CLVS1: variants seen among roughly 807,000 people sequenced by gnomAD.
The protein encoded by CLVS1 is clavesin-1.
In CLVS1, 10 loss-of-function variants were observed where a neutral mutation model predicts 33.1. That is an observed-to-expected ratio of 0.30 (90% CI 0.19 to 0.51). The LOEUF is 0.51. Among genes scored for constraint, CLVS1 ranks in the 20% least tolerant of loss-of-function variants. The probability of loss-of-function intolerance (pLI) is 0.97; values close to 1 mark genes in which losing one functional copy is unlikely to be tolerated. For synonymous variants in CLVS1, 163 were observed against 166.1 expected (o/e 0.98, Z 0.14); for missense variants, 343 against 433.4 (o/e 0.79, Z 1.85).
intron 2 of CLVS1, among the ~76,000 whole-genome samples, chr8:61,244,821 T>C (rs1456586782): frequency 1.3e-5 from 2 of 152,142 alleles, no homozygotes; most frequent in Non-Finnish European, 2.9e-5. Context: ...TTGATTTTAA[T>C]CTTTTAAAAT....
the CLVS1 span, among the ~76,000 whole-genome samples, chr8:61,011,170 G>A: frequency 6.6e-6 from 1 of 152,228 alleles, no homozygotes; most frequent in Admixed American, 6.5e-5. Context: ...GGAAGCTGAG[G>A]CAGGAGGGTC....
the CLVS1 span, among the ~76,000 whole-genome samples, chr8:60,990,838 AG>A: frequency 6.6e-6 from 1 of 151,682 alleles, no homozygotes; most frequent in Non-Finnish European, 1.5e-5. Context: ...CCTCCCGAAT[AG>A]CTGGGATTAC....
At chr8:61,267,971 C>A (rs1326855563) in intron 2 of CLVS1, among the ~76,000 whole-genome samples, 1 of 151,910 alleles carries the variant, frequency 6.6e-6, no homozygotes, top group Non-Finnish European at 1.5e-5. Flanking sequence ...GAGACTTTGC[C>A]ATTCATGGGC....
chr8:61,183,493 T>G (rs895918524), intron 2 of CLVS1, among the ~76,000 whole-genome samples: 1 of 140,188 alleles, frequency 7.1e-6, no homozygotes, highest in Non-Finnish European at 1.6e-5. Flanking sequence ...AGACAGTTAA[T>G]TTTTTTTATC....
chr8:61,142,919 C>T (rs1806336123), intron 2 of CLVS1, among the ~76,000 whole-genome samples: 2 of 152,120 alleles, frequency 1.3e-5, no homozygotes. Context: ...TAGGATTAAC[C>T]ACCCAAGCAA....
the CLVS1 span, among the ~76,000 whole-genome samples, chr8:60,981,582 A>C: frequency 6.6e-6 from 1 of 152,144 alleles, no homozygotes; most frequent in Non-Finnish European, 1.5e-5. Context: ...CAGGATAGTT[A>C]TAGTAACTGC....
At position 61,376,732 on chromosome 8, in the gene CLVS1, T is replaced by G; in HGVS notation, c.583T>G (p.Ser195Ala). ...GAGTAATTTTTCCTTCAAACAAGCCTCCAAACTGACACCTTCAATCCTTAA... is the reference window on the plus strand; with the variant it reads ...GAGTAATTTTTCCTTCAAACAAGCCGCCAAACTGACACCTTCAATCCTTAA... Reference protein sequence around the residue: ...DWSNFSFKQASKLTPSILKLA... With the variant: ...DWSNFSFKQAAKLTPSILKLA... Residue 195 changes from serine (S) to alanine (A), a missense_variant, in exon 3 of 6, where the codon TCC becomes GCC. Around this residue, in one of 4 missense-constraint regions of CLVS1, gnomAD observed 166 missense variants for 244.0 expected, o/e 0.68. Coordinates refer to ENST00000325897, the MANE Select transcript of CLVS1 (RefSeq NM_173519.3). 6.2e-7 allele frequency: 1 copy of G among 1,614,098 alleles called. No homozygotes were observed. The highest frequency in any genetic ancestry group is 8.5e-7 in the Non-Finnish European group (1 of 1,179,974).
In CLVS1 at chr8:61,334,401, G is replaced by A. The variant is rs1374687795; in HGVS notation, c.455+34119G>A. Among the ~76,000 whole-genome samples, 10 of 152,218 alleles carry A rather than the reference G, an allele frequency of 6.6e-5. No homozygotes were observed. The East Asian group carries it at 1.2e-3, about 18-fold the overall frequency. On this transcript the variant is annotated intron_variant, in intron 2 of 5. Transcript: ENST00000325897. Reference sequence around the variant, plus strand: ...ATTTGGAGGGTCTGTGTCTGGTCTTGTCCTAGACAAGCAAGAGGGCCTCTG... The same window carrying A: ...ATTTGGAGGGTCTGTGTCTGGTCTTATCCTAGACAAGCAAGAGGGCCTCTG...
intron 2 of CLVS1, among the ~76,000 whole-genome samples, chr8:61,270,417 A>G (rs904981992): frequency 6.6e-6 from 1 of 152,180 alleles, no homozygotes; most frequent in African/African-American, 2.4e-5. Context: ...TCATTTTGCC[A>G]GTATTTTATT....
chr8:61,116,809 C>T (rs1376069606), intron 1 of CLVS1, among the ~76,000 whole-genome samples: 8 of 137,112 alleles, frequency 5.8e-5, no homozygotes, highest in African/African-American at 2.0e-4. Context: ...TAGTGTGATG[C>T]CTCCAGCTTT....
chr8:61,475,964 A>T (rs924737732), intron 5 of CLVS1, among the ~76,000 whole-genome samples: 2 of 152,128 alleles, frequency 1.3e-5, no homozygotes, highest in African/African-American at 4.8e-5. Flanking sequence ...ATCTTGAATT[A>T]ATTTTTGTAT....
At chr8:61,297,093 G>A (rs1810240288) in intron 1 of CLVS1, among the ~76,000 whole-genome samples, 1 of 152,122 alleles carries the variant, frequency 6.6e-6, no homozygotes, top group East Asian at 1.9e-4. Flanking sequence ...GCACACAAAG[G>A]TGAGAAGAAG....
chr8:61,224,504 G>C (rs1808287405), intron 2 of CLVS1, among the ~76,000 whole-genome samples: 1 of 152,148 alleles, frequency 6.6e-6, no homozygotes, highest in Non-Finnish European at 1.5e-5. Flanking sequence ...GTCTGGAGAT[G>C]TCACTCAAGA....
At chr8:61,079,229 A>T (rs1466185519) in intron 1 of CLVS1, among the ~76,000 whole-genome samples, 1 of 152,082 alleles carries the variant, frequency 6.6e-6, no homozygotes, top group Admixed American at 6.5e-5. Context: ...TTTTGTTTTT[A>T]CTCTTTATGT....
At chr8:61,343,188 C>T (rs1031311200) in intron 2 of CLVS1, among the ~76,000 whole-genome samples, 10 of 152,274 alleles carry the variant, frequency 6.6e-5, no homozygotes, top group Non-Finnish European at 1.3e-4. Flanking sequence ...TCCAATTGCC[C>T]AGCCCTTGCC....
chr8:61,438,873 T>G (rs889861348), intron 3 of CLVS1, among the ~76,000 whole-genome samples: 1 of 152,222 alleles, frequency 6.6e-6, no homozygotes, highest in African/African-American at 2.4e-5. Flanking sequence ...TGTATAAAAG[T>G]GCTTAACATA....
At chr8:61,037,349 G>A in the CLVS1 span, among the ~76,000 whole-genome samples, 39 of 152,072 alleles carry the variant, frequency 2.6e-4, no homozygotes, top group South Asian at 6.2e-4. Context: ...CAATTTGACC[G>A]CTCCAGGTAC....
At chr8:61,186,228 A>T (rs1301580475) in intron 2 of CLVS1, among the ~76,000 whole-genome samples, 2 of 152,242 alleles carry the variant, frequency 1.3e-5, no homozygotes, top group Non-Finnish European at 2.9e-5. Flanking sequence ...AAGTAAGGGC[A>T]AATGGGAAAA....
At chr8:61,489,396 C>G (rs1316290626) in intron 5 of CLVS1, among the ~76,000 whole-genome samples, 1 of 152,214 alleles carries the variant, frequency 6.6e-6, no homozygotes, top group Admixed American at 6.5e-5. Flanking sequence ...GGTTCCCGTT[C>G]TAGTTCCACA....
Sources: gnomAD v4.1 joint callset for allele counts (sites outside exome capture counted in the v4.1 genomes callset) on GRCh38, gnomAD v4.1.1 for gene constraint, gnomAD v4.1.1 regional missense constraint, MANE v1.5 for transcripts, NCBI Gene and HGNC (gene_info 2026-07-23, HGNC 2026-07-21) for gene names.